The following MAJIN variants were observed in gnomAD, a reference collection of about 807,000 sequenced individuals.
The protein encoded by MAJIN is membrane-anchored junction protein.
Under a neutral mutation model 30.2 loss-of-function variants are expected in MAJIN, and 27 were observed. That is an observed-to-expected ratio of 0.89 (90% confidence interval 0.66 to 1.23). The LOEUF (loss-of-function observed/expected upper bound fraction) is 1.23, where lower values mean the gene tolerates loss of function less well. Among genes scored for constraint, MAJIN ranks in the 50% most tolerant of loss-of-function variants. The pLI, the probability that MAJIN is intolerant of heterozygous loss-of-function variation, is 0.00. For missense variants in MAJIN, 253 were observed against 260.3 expected, an observed-to-expected ratio of 0.97 and a Z score of 0.19; for synonymous variants, 78 against 91.6, an observed-to-expected ratio of 0.85 and a Z score of 0.85.
At chr11:64,965,752 C>T (rs113948263) in intron 1 of MAJIN, among the ~76,000 whole-genome samples, 6,951 of 151,920 alleles carry the variant, frequency 0.046, 182 homozygotes, top group Middle Eastern at 0.065. Context: ...GTCAGGAGAT[C>T]GATACTATCC....
intron 1 of MAJIN, among the ~76,000 whole-genome samples, chr11:64,960,775 T>C (rs1444018954): frequency 6.6e-6 from 1 of 152,188 alleles, no homozygotes; most frequent in Non-Finnish European, 1.5e-5. Context: ...GAGTCACAAG[T>C]TCTACGTGCC....
intron 3 of MAJIN, among the ~76,000 whole-genome samples, chr11:64,956,636 A>G (rs1485675789): frequency 6.6e-6 from 1 of 151,940 alleles, no homozygotes; most frequent in African/African-American, 2.4e-5. Flanking sequence ...AATAACTACC[A>G]TTAAAAAAAA....
chr11:64,940,835 C>T (rs373902701), intron 8 of MAJIN, among the ~76,000 whole-genome samples, 189 bp from the exon 9 acceptor site: 13 of 88,552 alleles, frequency 1.5e-4, no homozygotes, highest in East Asian at 4.0e-4. Flanking sequence ...TTTTTTCTTT[C>T]TTTTTTTTTT....
chr11:64,969,176 G>A (rs576618828), intron 1 of MAJIN, among the ~76,000 whole-genome samples: 24 of 152,138 alleles, frequency 1.6e-4, no homozygotes, highest in Admixed American at 1.4e-3. Context: ...GTGGGAGGGA[G>A]CAGTGAAAAT....
intron 6 of MAJIN, among the ~76,000 whole-genome samples, chr11:64,948,799 G>A (rs1162504769): frequency 1.4e-5 from 2 of 147,446 alleles, no homozygotes; most frequent in East Asian, 4.1e-4. Context: ...TGGGATTAGA[G>A]GCGCACACCA....
At chr11:64,970,361 CTTTTTTTTTTT>C (rs1196525730) in intron 1 of MAJIN, among the ~76,000 whole-genome samples, 3 of 66,052 alleles carry the variant, frequency 4.5e-5, no homozygotes, top group East Asian at 3.9e-4. Flanking sequence ...AAGACTCCGT[CTTTTTTTTTTT>C]TTTTTTTTTT....
At chr11:64,939,977 G>A (rs543694522) in intron 9 of MAJIN, 18 of 458,458 alleles carry the variant, frequency 3.9e-5, no homozygotes, top group African/African-American at 3.6e-4. Context: ...TCAAGCTCCT[G>A]GGATATTTAC....
chr11:64,944,058 A>C (rs901388078), intron 8 of MAJIN, among the ~76,000 whole-genome samples: 1 of 152,214 alleles, frequency 6.6e-6, no homozygotes, highest in African/African-American at 2.4e-5. Context: ...ACTAAATTAC[A>C]AGCTCCTAGA....
At chr11:64,956,678 G>A (rs1945637626) in intron 3 of MAJIN, among the ~76,000 whole-genome samples, 1 of 145,926 alleles carries the variant, frequency 6.9e-6, no homozygotes, top group African/African-American at 2.5e-5. Context: ...GTCCAGTTTT[G>A]TCACAGGGTC....
intron 1 of MAJIN, among the ~76,000 whole-genome samples, chr11:64,963,428 C>T (rs1945758275): frequency 6.6e-6 from 1 of 152,190 alleles, no homozygotes; most frequent in Non-Finnish European, 1.5e-5. Context: ...ATATTGACTA[C>T]TGAGGCAGAA....
At chr11:64,957,312 T>A (rs927804191) in intron 3 of MAJIN, among the ~76,000 whole-genome samples, 1 of 152,010 alleles carries the variant, frequency 6.6e-6, no homozygotes, top group African/African-American at 2.4e-5. Flanking sequence ...ACTCCTACGC[T>A]CAAGCAATCC....
chr11:64,941,031 G>C (rs1191323772), intron 8 of MAJIN, among the ~76,000 whole-genome samples: 5 of 151,222 alleles, frequency 3.3e-5, no homozygotes, highest in Non-Finnish European at 7.4e-5. Flanking sequence ...GTAGAGACAG[G>C]GTTTCACCGT....
chr11:64,947,713 G>C, intron 7 of MAJIN, 75 bp downstream of exon 7: 3 of 1,486,836 alleles, frequency 2.0e-6, no homozygotes, highest in Middle Eastern at 1.7e-4. Flanking sequence ...AAGGGGAAGA[G>C]GCAAGAGCAG....
At chr11:64,939,183 C>T (rs1203748353) in intron 10 of MAJIN, among the ~76,000 whole-genome samples, 1 of 152,066 alleles carries the variant, frequency 6.6e-6, no homozygotes, top group Admixed American at 6.5e-5. Flanking sequence ...GCCTCACCTC[C>T]ACCTCCCAGG....
rs371430598 is a variant in MAJIN, at chr11:64,940,091, C to T, written c.547-324G>A. On this transcript the variant is annotated intron_variant, in intron 9 of 10. Coordinates refer to ENST00000301896, the MANE Select transcript of MAJIN (RefSeq NM_001037225.3). ...TACATCCCTGTTTCTGTGATAACTG[C>T]AGTCCACACTGAATCCTCATGCTGG... Among the ~76,000 whole-genome samples, 260 of 152,302 alleles carry T rather than the reference C, an allele frequency of 1.7e-3. 2 individuals carry two copies. Among genetic ancestry groups the T allele is most frequent in the African/African-American group, 6.1e-3 (255 of 41,562 alleles).
intron 8 of MAJIN, among the ~76,000 whole-genome samples, chr11:64,941,148 T>A (rs1338535370): frequency 6.6e-6 from 1 of 152,028 alleles, no homozygotes; most frequent in East Asian, 1.9e-4. Flanking sequence ...AGGACTGTCG[T>A]TTTTTCATTT....
intron 4 of MAJIN, chr11:64,954,359 C>A (rs1945599137): frequency 3.0e-6 from 1 of 330,396 alleles, no homozygotes; most frequent in South Asian, 2.7e-5. Flanking sequence ...GACACAGCAG[C>A]CTTGTCTGTG....
intron 10 of MAJIN, among the ~76,000 whole-genome samples, chr11:64,939,032 T>C (rs1236070020): frequency 6.6e-6 from 1 of 152,136 alleles, no homozygotes; most frequent in Non-Finnish European, 1.5e-5. Context: ...CAGGTTAAAG[T>C]GATTCTCCTG....
intron 9 of MAJIN, 85 bp from the exon 10 acceptor site, chr11:64,939,852 G>C: frequency 1.7e-6 from 2 of 1,187,942 alleles, no homozygotes; most frequent in Non-Finnish European, 2.4e-6. Context: ...CCCAGTATGA[G>C]CCAGAGGCAG....
Sources: allele counts gnomAD v4.1 joint callset (sites outside exome capture counted in the v4.1 genomes callset), GRCh38; gene constraint gnomAD v4.1.1; transcripts MANE v1.5; gene names NCBI Gene and HGNC (gene_info 2026-07-23, HGNC 2026-07-21).